PHF10: variants seen among roughly 807,000 people sequenced by gnomAD.
PHF10 encodes BRG1-associated factor 45a.
PHF10 carries 51 observed loss-of-function variants against 68.5 expected under a neutral mutation model. That is an observed-to-expected ratio of 0.74 (90% CI 0.59 to 0.94). The LOEUF is 0.94. Among genes scored for constraint, PHF10 ranks in the 40% least tolerant of loss-of-function variants. The pLI is 0.00. For synonymous variants in PHF10, 204 were observed against 203.5 expected, an observed-to-expected ratio of 1.00 and a Z score of -0.02; for missense variants, 460 against 602.6, an observed-to-expected ratio of 0.76 and a Z score of 2.48.
chr6:169,705,447 G>A (rs2128328524), intron 10 of PHF10, 126 bp from the exon 11 acceptor site: 1 of 738,492 alleles, frequency 1.4e-6, no homozygotes, highest in Non-Finnish European at 2.3e-6. Context: ...AAAGAGAAAT[G>A]AATATACAAT....
At chr6:169,708,184 C>T (rs1035794795) in intron 9 of PHF10, 5 of 152,168 alleles carry the variant, frequency 3.3e-5, no homozygotes, top group Admixed American at 6.5e-5. Context: ...AAAAGGCTCA[C>T]AGTACACTTA....
At chr6:169,710,130 G>A (rs927920193) in intron 9 of PHF10, 106 bp downstream of exon 9, 2 of 777,974 alleles carry the variant, frequency 2.6e-6, no homozygotes, top group Non-Finnish European at 4.1e-6. Flanking sequence ...AGAACAGCTA[G>A]TGAGGTACAG....
At chr6:169,714,420 T>C (rs538692181) in intron 7 of PHF10, among the ~76,000 whole-genome samples, 68 of 152,336 alleles carry the variant, frequency 4.5e-4, no homozygotes, top group Middle Eastern at 6.8e-3. Flanking sequence ...AACAAGCTTC[T>C]GAGCAATAAC....
At chr6:169,712,753 A>C (rs191412980) in intron 7 of PHF10, among the ~76,000 whole-genome samples, 1 of 152,286 alleles carries the variant, frequency 6.6e-6, no homozygotes, top group Non-Finnish European at 1.5e-5. Flanking sequence ...TTTGATTCTT[A>C]CTAAGAGATA....
At chr6:169,722,277 C>T (rs1317093088) in intron 1 of PHF10, among the ~76,000 whole-genome samples, 1 of 152,176 alleles carries the variant, frequency 6.6e-6, no homozygotes, top group East Asian at 1.9e-4. Flanking sequence ...ATAAAATAAG[C>T]ATTTCATTAA....
Position 169,705,199 on chromosome 6 carries a change from T to G in PHF10, c.1345A>C (p.Met449Leu). The G allele has an allele frequency of 6.2e-7, 1 of 1,613,884 alleles. No homozygotes were observed. Among genetic ancestry groups the G allele is most frequent in the Non-Finnish European group, 8.5e-7 (1 of 1,179,844 alleles). ...CGQPHHEEEM[M>L]FCDMCDRGYH... ...CCTCTGTCACACATATCACAGAACA[T>G]CATTTCTTCTTCATGGTGGGGTTGT... The change falls in exon 11 of 12, where the codon ATG (methionine) becomes CTG (leucine). Residue 449 changes from methionine to leucine, a missense_variant. Physicochemically the swap from Met to Leu is conservative, Grantham distance 15. Transcript: ENST00000339209.
chr6:169,718,109 T>C (rs1789094026), intron 3 of PHF10, among the ~76,000 whole-genome samples: 1 of 152,172 alleles, frequency 6.6e-6, no homozygotes, highest in Middle Eastern at 3.4e-3. Context: ...GGAAATAGAA[T>C]AATCCAAAGC....
intron 1 of PHF10, among the ~76,000 whole-genome samples, chr6:169,722,033 G>A (rs192341861): frequency 2.6e-5 from 4 of 152,166 alleles, no homozygotes; most frequent in Admixed American, 1.3e-4. Flanking sequence ...TATTCTCTGT[G>A]AGCATCTCCT....
intron 9 of PHF10, among the ~76,000 whole-genome samples, chr6:169,706,723 TACATACACACACACACACACACAC>T (rs1422514230): frequency 6.9e-5 from 5 of 72,538 alleles, no homozygotes; most frequent in African/African-American, 2.1e-4. Context: ...CATACATACA[TACATACACACACACACACACACAC>T]ACACACACAC....
intron 1 of PHF10, 22 bp from the exon 2 acceptor site, chr6:169,721,133 AAAT>A: frequency 8.0e-7 from 1 of 1,248,344 alleles, no homozygotes; most frequent in Non-Finnish European, 1.1e-6. Flanking sequence ...AAAGATTCAA[AAAT>A]AATAATTAGA....
chr6:169,721,164 G>T (rs1789168229), intron 1 of PHF10, 53 bp from the exon 2 acceptor site: 2 of 1,013,690 alleles, frequency 2.0e-6, no homozygotes, highest in Non-Finnish European at 1.5e-6. Context: ...TAAAAGAACA[G>T]TAAGTCTCAA....
In PHF10 at chr6:169,723,873, G is replaced by A. The variant is rs761885772; in HGVS notation, c.59C>T (p.Pro20Leu). Residue 20 changes from proline to leucine, a missense_variant, in exon 1 of 12, where the codon CCA becomes CTA. Physicochemically the swap from Pro to Leu is moderately conservative, Grantham distance 98. Coordinates refer to ENST00000339209, the MANE Select transcript of PHF10 (RefSeq NM_018288.4). ...ALSPRPCDSD[P>L]ATPGAQSPKD... ...CGGGGACTGCGCTCCGGGGGTGGCT[G>A]GGTCGCTGTCGCACGGCCGCGGGGA... The A allele has an allele frequency of 1.0e-3, 1,109 of 1,100,362 alleles. 1 individual carries two copies. Among genetic ancestry groups the A allele is most frequent in the Non-Finnish European group, 1.1e-3 (1,021 of 899,894 alleles). The allele number at this position is 1,100,362 out of a possible 1,614,324, so 68.2% of individuals were successfully genotyped here. A position where few individuals can be genotyped will look rare whatever the true frequency, so the allele number is the denominator to read the frequency against.
intron 9 of PHF10, among the ~76,000 whole-genome samples, chr6:169,706,395 A>G (rs1372861835): frequency 6.6e-6 from 1 of 152,202 alleles, no homozygotes; most frequent in African/African-American, 2.4e-5. Context: ...AAAGGGAAAA[A>G]TAAGTTTTCA....
At chr6:169,713,617 T>A (rs938021608) in intron 7 of PHF10, among the ~76,000 whole-genome samples, 10 of 150,918 alleles carry the variant, frequency 6.6e-5, no homozygotes, top group South Asian at 2.1e-4. Flanking sequence ...AAAAAAAAAA[T>A]TTGAAGAAAA....
rs1424314305 is a variant in PHF10 at position 169,712,014 on chromosome 6, T to A, written c.957+372A>T. ...ACATAATATTTTCCTATAGGAAGCA[T>A]AAGATTAAGCAAATGCACTCCCCTC... On this transcript the variant is annotated intron_variant, in intron 8 of 11. Transcript: ENST00000339209. Among the ~76,000 whole-genome samples the A allele has an allele frequency of 1.6e-4, 24 of 152,098 alleles. 1 individual carries two copies. The highest frequency in any genetic ancestry group is 1.6e-3 in the Admixed American group (24 of 15,280).
intron 1 of PHF10, 40 bp downstream of exon 1, chr6:169,723,805 G>T: frequency 1.4e-6 from 1 of 699,344 alleles, no homozygotes; most frequent in Non-Finnish European, 1.9e-6. Context: ...CCCAGGCCCG[G>T]GACGGGGTCA....
At chr6:169,715,516 G>A (rs963434471) in intron 6 of PHF10, among the ~76,000 whole-genome samples, 192 bp downstream of exon 6, 7 of 151,980 alleles carry the variant, frequency 4.6e-5, no homozygotes, top group African/African-American at 7.3e-5. Flanking sequence ...GCAGTGAGCC[G>A]AGATCATGCC....
At chr6:169,717,514 T>C (rs142197738) in intron 4 of PHF10, among the ~76,000 whole-genome samples, 653 of 152,316 alleles carry the variant, frequency 4.3e-3, no homozygotes, top group African/African-American at 0.015. Context: ...ATGTGACTTG[T>C]TACATATTAT....
At chr6:169,706,723 T>TACACAC (rs1202611210) in intron 9 of PHF10, among the ~76,000 whole-genome samples, 16 of 72,438 alleles carry the variant, frequency 2.2e-4, no homozygotes, top group Admixed American at 9.2e-4. Context: ...CATACATACA[T>TACACAC]ACATACACAC....
Sources: allele counts gnomAD v4.1 joint callset (sites outside exome capture counted in the v4.1 genomes callset), GRCh38; gene constraint gnomAD v4.1.1; transcripts MANE v1.5; gene names NCBI Gene and HGNC (gene_info 2026-07-23, HGNC 2026-07-21).